The following TMCC1 variants were observed in gnomAD, a reference collection of about 807,000 sequenced individuals.
TMCC1 encodes transmembrane and coiled-coil domain family 1.
A neutral mutation model predicts 52.4 loss-of-function variants in TMCC1; 15 were observed. The ratio of observed to expected loss-of-function variants is 0.29; its 90% CI spans 0.19 to 0.44. The LOEUF (loss-of-function observed/expected upper bound fraction) is 0.44. Among genes scored for constraint, TMCC1 ranks in the 20% least tolerant of loss-of-function variants. The probability of loss-of-function intolerance (pLI) is 1.00; values close to 1 mark genes in which losing one functional copy is unlikely to be tolerated. For missense variants in TMCC1, 503 were observed against 806.0 expected, an observed-to-expected ratio of 0.62 and a Z score of 4.55; for synonymous variants, 279 against 301.9, an observed-to-expected ratio of 0.92 and a Z score of 0.79.
intron 4 of TMCC1, among the ~76,000 whole-genome samples, chr3:129,813,985 A>AT (rs58055079): frequency 0.34 from 49,939 of 145,762 alleles, 12,127 homozygotes; most frequent in African/African-American, 0.67. Context: ...CTTTTTCCTT[A>AT]TTTTTTTTTT....
chr3:129,872,967 G>T (rs995904675), intron 2 of TMCC1, among the ~76,000 whole-genome samples: 2 of 151,156 alleles, frequency 1.3e-5, no homozygotes, highest in Admixed American at 1.3e-4. Flanking sequence ...GCCCAGGCAG[G>T]AGTGCAGTGG....
At chr3:129,752,592 G>A (rs2052626798) in intron 4 of TMCC1, among the ~76,000 whole-genome samples, 1 of 151,930 alleles carries the variant, frequency 6.6e-6, no homozygotes, top group African/African-American at 2.4e-5. Context: ...CTTGAACCTG[G>A]GAGGCAGAGG....
rs548100383 is a variant in TMCC1, at chr3:129,723,316, A to T, written c.577-52052T>A. Among the ~76,000 whole-genome samples the T allele has an allele frequency of 2.6e-5, 4 of 152,168 alleles. No individual in the cohort carries two copies. In the South Asian group the frequency reaches 8.3e-4, roughly 32 times the overall value. ...TCAGAAAATTTCCAAGTCCTTGGGA[A>T]AAATACTTTGAAAATAAGTAGCTGA... On this transcript the variant is annotated intron_variant, in intron 4 of 6. Coordinates refer to ENST00000393238, the MANE Select transcript of TMCC1 (RefSeq NM_001017395.5).
At chr3:129,851,228 A>T (rs976937232) in intron 2 of TMCC1, among the ~76,000 whole-genome samples, 3 of 151,856 alleles carry the variant, frequency 2.0e-5, no homozygotes, top group Non-Finnish European at 4.4e-5. Flanking sequence ...AACCAATTGC[A>T]AAGCTTCTGA....
intron 4 of TMCC1, among the ~76,000 whole-genome samples, chr3:129,811,746 C>T (rs537485574): frequency 2.0e-4 from 30 of 148,180 alleles, no homozygotes; most frequent in African/African-American, 7.2e-4. Context: ...GGGTTCGAGC[C>T]CAGCCTGGCC....
chr3:129,677,733 G>C (rs942750298), intron 4 of TMCC1, among the ~76,000 whole-genome samples: 3 of 152,180 alleles, frequency 2.0e-5, no homozygotes, highest in Non-Finnish European at 4.4e-5. Context: ...GAAGAGTAGA[G>C]GGTCCAAGGA....
intron 4 of TMCC1, among the ~76,000 whole-genome samples, chr3:129,820,566 G>A (rs1286017685): frequency 6.6e-6 from 1 of 151,938 alleles, no homozygotes; most frequent in Non-Finnish European, 1.5e-5. Context: ...AGTAGAATAG[G>A]CTGCTTTGGG....
chr3:129,656,237 C>T (rs1333158181), intron 5 of TMCC1, among the ~76,000 whole-genome samples: 1 of 152,158 alleles, frequency 6.6e-6, no homozygotes, highest in Non-Finnish European at 1.5e-5. Context: ...TTAAAAAACA[C>T]TAGAAAAGGG....
At chr3:129,826,338 CAAAAA>C (rs63640963) in intron 4 of TMCC1, among the ~76,000 whole-genome samples, 1 of 89,024 alleles carries the variant, frequency 1.1e-5, no homozygotes, top group Non-Finnish European at 2.5e-5. Context: ...CTCCTCTCTA[CAAAAA>C]AAAAAAAAAA....
chr3:129,814,595 AG>A (rs1258034635), intron 4 of TMCC1, among the ~76,000 whole-genome samples: 1 of 152,186 alleles, frequency 6.6e-6, no homozygotes, highest in African/African-American at 2.4e-5. Flanking sequence ...TCCAATTAAA[AG>A]GCATAAAGTG....
chr3:129,801,304 A>G (rs144089158), intron 4 of TMCC1, among the ~76,000 whole-genome samples: 1 of 151,542 alleles, frequency 6.6e-6, no homozygotes, highest in African/African-American at 2.4e-5. Context: ...AAATTCAACA[A>G]TTTACTCAGA....
chr3:129,655,105 T>C lies in TMCC1; in HGVS notation c.1512-2A>G. The C allele has an allele frequency of 6.2e-7, 1 of 1,603,846 alleles. No individual in the cohort carries two copies. The highest frequency in any genetic ancestry group is 1.8e-5 in the Admixed American group (1 of 56,604). ...AGCTGTTCTTCCAATCGTTCACATC[T>C]AAGGAGAAAAAAAAAGTTTAGAATT... On this transcript the variant is annotated splice_acceptor_variant, in intron 5 of 6. Transcript: ENST00000393238. LOFTEE classifies it high-confidence loss of function.
intron 4 of TMCC1, among the ~76,000 whole-genome samples, chr3:129,719,926 C>A: frequency 6.6e-6 from 1 of 152,042 alleles, no homozygotes; most frequent in East Asian, 1.9e-4. Context: ...TGCCTGTAAT[C>A]TCAACATTTT....
intron 2 of TMCC1, among the ~76,000 whole-genome samples, chr3:129,867,343 C>T (rs1262380210): frequency 1.3e-5 from 2 of 152,184 alleles, no homozygotes; most frequent in Non-Finnish European, 2.9e-5. Flanking sequence ...TTCAACATTA[C>T]AAATAGAGAA....
At chr3:129,740,968 C>A (rs34083479) in intron 4 of TMCC1, among the ~76,000 whole-genome samples, 3 of 152,188 alleles carry the variant, frequency 2.0e-5, no homozygotes, top group Non-Finnish European at 2.9e-5. Context: ...CACTTCACAT[C>A]TGAGATCACC....
intron 4 of TMCC1, among the ~76,000 whole-genome samples, chr3:129,699,358 A>G (rs1453378088): frequency 1.3e-5 from 2 of 152,224 alleles, no homozygotes; most frequent in Non-Finnish European, 2.9e-5. Context: ...CACTTCCACA[A>G]GTGCCATGAC....
intron 4 of TMCC1, among the ~76,000 whole-genome samples, chr3:129,698,622 T>C (rs2047586566): frequency 6.6e-6 from 1 of 152,224 alleles, no homozygotes. Flanking sequence ...CTTAAGAAAA[T>C]AACCTTTCAC....
intron 2 of TMCC1, chr3:129,857,277 G>C (rs2060184007): frequency 6.6e-6 from 1 of 152,278 alleles, no homozygotes; most frequent in African/African-American, 2.4e-5. Flanking sequence ...CAGTAGCGGT[G>C]GGGTGGACAG....
chr3:129,666,584 CAAA>C (rs1306529602), intron 5 of TMCC1, among the ~76,000 whole-genome samples: 1 of 151,596 alleles, frequency 6.6e-6, no homozygotes, highest in Non-Finnish European at 1.5e-5. Flanking sequence ...CTTAAAAATA[CAAA>C]AAAGTAGCTG....
Sources: allele counts gnomAD v4.1 joint callset (sites outside exome capture counted in the v4.1 genomes callset), GRCh38; gene constraint gnomAD v4.1.1; transcripts MANE v1.5; gene names NCBI Gene and HGNC (gene_info 2026-07-23, HGNC 2026-07-21).